Variants in MARCHF1 observed in about 807,000 individuals in gnomAD.
MARCHF1 encodes E3 ubiquitin-protein ligase MARCHF1.
In MARCHF1, 40 loss-of-function variants were observed where a neutral mutation model predicts 54.2. The ratio of observed to expected loss-of-function variants is 0.74; its 90% CI spans 0.57 to 0.96. The LOEUF (loss-of-function observed/expected upper bound fraction) is 0.96, where lower values mean the gene tolerates loss of function less well. Ranked by LOEUF, MARCHF1 falls within the 40% of genes least tolerant of loss-of-function variation. The pLI, the probability that MARCHF1 is intolerant of heterozygous loss-of-function variation, is 0.00. For synonymous variants in MARCHF1, 236 were observed against 236.3 expected (o/e 1.00, Z 0.01); for missense variants, 586 against 656.5 (o/e 0.89, Z 1.17).
chr4:163,962,462 T>A (rs1004796725), intron 3 of MARCHF1, among the ~76,000 whole-genome samples: 2 of 151,894 alleles, frequency 1.3e-5, no homozygotes. Context: ...TACAGGTCCA[T>A]AGTTCTTATT....
intron 3 of MARCHF1, among the ~76,000 whole-genome samples, chr4:163,873,159 G>C (rs1750214897): frequency 6.6e-6 from 1 of 152,134 alleles, no homozygotes; most frequent in Non-Finnish European, 1.5e-5. Context: ...TTTTTCTTCA[G>C]CTAATGAACA....
intron 1 of MARCHF1, among the ~76,000 whole-genome samples, chr4:164,148,145 A>T (rs1729817597): frequency 9.4e-6 from 1 of 106,662 alleles, no homozygotes; most frequent in South Asian, 2.8e-4. Flanking sequence ...AAAAAATAAC[A>T]CACACACACA....
At chr4:164,364,959 A>T (rs1730837780) in intron 1 of MARCHF1, among the ~76,000 whole-genome samples, 1 of 152,026 alleles carries the variant, frequency 6.6e-6, no homozygotes, top group Non-Finnish European at 1.5e-5. Flanking sequence ...AACTCAATAA[A>T]ACTGAAGATT....
intron 4 of MARCHF1, among the ~76,000 whole-genome samples, chr4:163,733,579 A>C (rs1187846503): frequency 6.6e-6 from 1 of 151,526 alleles, no homozygotes; most frequent in Admixed American, 6.6e-5. Flanking sequence ...AGCATTAGGT[A>C]TATCTCCTAA....
At chr4:163,922,190 G>C (rs1579394181) in intron 3 of MARCHF1, among the ~76,000 whole-genome samples, 1 of 142,460 alleles carries the variant, frequency 7.0e-6, no homozygotes, top group Non-Finnish European at 1.5e-5. Context: ...GCGGGGGGGA[G>C]CATCACACGC....
intron 4 of MARCHF1, among the ~76,000 whole-genome samples, chr4:163,740,330 A>T (rs1746160221): frequency 6.6e-6 from 1 of 152,238 alleles, no homozygotes; most frequent in Non-Finnish European, 1.5e-5. Flanking sequence ...AACTGTGAAC[A>T]TAGTGAGATT....
At chr4:163,840,051 C>T (rs1357636280) in intron 4 of MARCHF1, among the ~76,000 whole-genome samples, 2 of 152,158 alleles carry the variant, frequency 1.3e-5, no homozygotes, top group East Asian at 3.9e-4. Flanking sequence ...ATTTTATAGA[C>T]ATTAAGTGAA....
At chr4:163,662,597 C>T (rs1481855621) in intron 5 of MARCHF1, among the ~76,000 whole-genome samples, 1 of 152,056 alleles carries the variant, frequency 6.6e-6, no homozygotes. Context: ...TACCATCTCT[C>T]TCTGTCTCTG....
intron 3 of MARCHF1, among the ~76,000 whole-genome samples, chr4:163,979,670 C>T (rs983026910): frequency 6.6e-6 from 1 of 152,046 alleles, no homozygotes; most frequent in African/African-American, 2.4e-5. Flanking sequence ...TCTCCACATC[C>T]TCTCCAGCAC....
chr4:163,836,670 C>G (rs1749195922), intron 4 of MARCHF1, among the ~76,000 whole-genome samples: 1 of 137,326 alleles, frequency 7.3e-6, no homozygotes, highest in African/African-American at 2.7e-5. Flanking sequence ...AATAAGGAAA[C>G]AGAGGGTCCA....
intron 1 of MARCHF1, among the ~76,000 whole-genome samples, chr4:164,132,879 T>C (rs1321742994): frequency 6.6e-6 from 1 of 152,118 alleles, no homozygotes; most frequent in Non-Finnish European, 1.5e-5. Flanking sequence ...TTTAAAAATA[T>C]ATATTATAAT....
intron 1 of MARCHF1, among the ~76,000 whole-genome samples, chr4:164,313,039 C>A (rs1734904303): frequency 6.6e-6 from 1 of 150,804 alleles, no homozygotes; most frequent in Non-Finnish European, 1.5e-5. Flanking sequence ...AAAAATATTT[C>A]TTTAAAAACG....
chr4:164,070,671 T>G (rs983918093), intron 2 of MARCHF1, among the ~76,000 whole-genome samples: 1 of 152,188 alleles, frequency 6.6e-6, no homozygotes, highest in Non-Finnish European at 1.5e-5. Context: ...GGAAGGATTT[T>G]TAAGGGGTAT....
At chr4:164,194,591 G>A (rs1455531868) in intron 1 of MARCHF1, among the ~76,000 whole-genome samples, 1 of 151,968 alleles carries the variant, frequency 6.6e-6, no homozygotes, top group Non-Finnish European at 1.5e-5. Flanking sequence ...TTGATTGTAT[G>A]CTGTCATCTT....
chr4:164,345,833 T>G (rs1730077633), intron 1 of MARCHF1, among the ~76,000 whole-genome samples: 1 of 151,952 alleles, frequency 6.6e-6, no homozygotes, highest in African/African-American at 2.4e-5. Flanking sequence ...TTTCCAACAC[T>G]TAAGCACTCC....
intron 2 of MARCHF1, among the ~76,000 whole-genome samples, chr4:164,098,439 T>C (rs1462416776): frequency 6.6e-6 from 1 of 152,126 alleles, no homozygotes; most frequent in Non-Finnish European, 1.5e-5. Context: ...TATTGAAGAG[T>C]AGCCCTAAAA....
chr4:164,343,414 A>G (rs546916096), intron 1 of MARCHF1, among the ~76,000 whole-genome samples: 1 of 152,292 alleles, frequency 6.6e-6, no homozygotes, highest in South Asian at 2.1e-4. Flanking sequence ...AACAGAGTAA[A>G]CTATCAACAG....
intron 4 of MARCHF1, among the ~76,000 whole-genome samples, chr4:163,842,269 T>A (rs1388765087): frequency 6.6e-6 from 1 of 152,028 alleles, no homozygotes. Flanking sequence ...GGGCGAGATG[T>A]TTAACCAAAA....
intron 5 of MARCHF1, among the ~76,000 whole-genome samples, chr4:163,632,922 C>T (rs991217890): frequency 7.2e-5 from 11 of 152,196 alleles, no homozygotes; most frequent in Non-Finnish European, 1.5e-4. Context: ...ACTGCCTCCT[C>T]AAGTGGGTAC....
Sources: allele counts gnomAD v4.1 joint callset (sites outside exome capture counted in the v4.1 genomes callset), GRCh38; gene constraint gnomAD v4.1.1; transcripts MANE v1.5; gene names NCBI Gene and HGNC (gene_info 2026-07-23, HGNC 2026-07-21).